INPP4B: variants seen among roughly 807,000 people sequenced by gnomAD.
INPP4B encodes inositol polyphosphate-4-phosphatase type II B.
In INPP4B, 55 loss-of-function variants were observed where a neutral mutation model predicts 122.5. The observed-to-expected ratio is 0.45, with a 90% CI of 0.36 to 0.56. The LOEUF is 0.56. INPP4B is among the 20% of genes least tolerant of loss of function. INPP4B has a pLI of 0.00. For synonymous variants in INPP4B, 403 were observed against 388.7 expected (o/e 1.04, Z -0.43); for missense variants, 1,000 against 1,097.7 (o/e 0.91, Z 1.26).
At chr4:142,753,480 G>A (rs1024406232) in intron 1 of INPP4B, among the ~76,000 whole-genome samples, 2 of 151,986 alleles carry the variant, frequency 1.3e-5, no homozygotes, top group Admixed American at 6.6e-5. Context: ...AATCCAGCTG[G>A]TATGATAAAG....
intron 2 of INPP4B, among the ~76,000 whole-genome samples, chr4:142,559,694 G>C (rs1730021117): frequency 6.6e-6 from 1 of 151,882 alleles, no homozygotes; most frequent in African/African-American, 2.4e-5. Context: ...ACAAACCTAT[G>C]ATAACTATAT....
chr4:142,357,340 T>A (rs1310774180), intron 7 of INPP4B, among the ~76,000 whole-genome samples: 1 of 151,972 alleles, frequency 6.6e-6, no homozygotes, highest in Admixed American at 6.6e-5. Flanking sequence ...ACGGCACTGG[T>A]TAGTCTTAGA....
intron 2 of INPP4B, among the ~76,000 whole-genome samples, chr4:142,720,565 C>T (rs1192593041): frequency 6.6e-6 from 1 of 151,468 alleles, no homozygotes; most frequent in Non-Finnish European, 1.5e-5. Context: ...ATACCTACTA[C>T]AGTGTAAACG....
intron 15 of INPP4B, among the ~76,000 whole-genome samples, chr4:142,174,985 G>A (rs1827435164): frequency 6.6e-6 from 1 of 152,040 alleles, no homozygotes; most frequent in Non-Finnish European, 1.5e-5. Context: ...ATTCTTTAGA[G>A]TGAAGGAATC....
chr4:142,275,590 A>T (rs1285911896), intron 9 of INPP4B, among the ~76,000 whole-genome samples: 1 of 151,866 alleles, frequency 6.6e-6, no homozygotes, highest in Non-Finnish European at 1.5e-5. Context: ...GAATATAATT[A>T]TACAGCAGTG....
intron 18 of INPP4B, among the ~76,000 whole-genome samples, chr4:142,138,051 A>G (rs996914861): frequency 1.3e-5 from 2 of 152,060 alleles, no homozygotes; most frequent in Admixed American, 6.5e-5. Flanking sequence ...TACTCAAAGG[A>G]CTATAAATCA....
chr4:142,344,323 T>C (rs1206402007), intron 7 of INPP4B, among the ~76,000 whole-genome samples: 3 of 151,966 alleles, frequency 2.0e-5, no homozygotes, highest in African/African-American at 7.2e-5. Flanking sequence ...AATTTTATGC[T>C]ATGTGTATAT....
intron 2 of INPP4B, among the ~76,000 whole-genome samples, chr4:142,686,450 T>C (rs1164692900): frequency 6.6e-6 from 1 of 152,018 alleles, no homozygotes; most frequent in Admixed American, 6.6e-5. Flanking sequence ...CAATCAGTGG[T>C]CAGGACTCCT....
At chr4:142,539,000 C>T (rs28603065) in intron 2 of INPP4B, among the ~76,000 whole-genome samples, 3,978 of 151,332 alleles carry the variant, frequency 0.026, 171 homozygotes, top group African/African-American at 0.09. Flanking sequence ...TTGTACAAGA[C>T]AATGAAAAAA....
At chr4:142,191,334 C>G (rs894591115) in intron 15 of INPP4B, among the ~76,000 whole-genome samples, 4 of 152,162 alleles carry the variant, frequency 2.6e-5, no homozygotes, top group African/African-American at 9.7e-5. Context: ...GCCAAAGAAC[C>G]TGGAACAGGG....
chr4:142,784,521 A>G (rs1775440125), intron 1 of INPP4B, among the ~76,000 whole-genome samples: 1 of 152,064 alleles, frequency 6.6e-6, no homozygotes, highest in African/African-American at 2.4e-5. Flanking sequence ...ACAACCAAGA[A>G]GAGCTTACCT....
chr4:142,071,949 A>G (rs1321641164), intron 25 of INPP4B, among the ~76,000 whole-genome samples: 1 of 152,196 alleles, frequency 6.6e-6, no homozygotes, highest in Non-Finnish European at 1.5e-5. Context: ...AGGATCTAGA[A>G]CTAGAAATAC....
chr4:142,236,905 T>G (rs1024056791), intron 12 of INPP4B, among the ~76,000 whole-genome samples: 1 of 152,222 alleles, frequency 6.6e-6, no homozygotes, highest in Admixed American at 6.5e-5. Context: ...TTTCAGCAAT[T>G]AAAAAGTGTT....
chr4:142,800,366 A>G (rs1777851208), intron 1 of INPP4B, among the ~76,000 whole-genome samples: 1 of 152,136 alleles, frequency 6.6e-6, no homozygotes, highest in African/African-American at 2.4e-5. Flanking sequence ...ATTCTGAGTC[A>G]AATACAAACT....
chr4:142,639,114 C>T (rs76399465), intron 2 of INPP4B, among the ~76,000 whole-genome samples: 4,622 of 152,146 alleles, frequency 0.03, 91 homozygotes, highest in Non-Finnish European at 0.042. Context: ...GCCTTGTATA[C>T]GTGGGATCAT....
At chr4:142,256,562 G>T (rs979584072) in intron 11 of INPP4B, among the ~76,000 whole-genome samples, 2 of 152,162 alleles carry the variant, frequency 1.3e-5, no homozygotes, top group South Asian at 4.1e-4. Flanking sequence ...TACCATCAGA[G>T]AATACTACAA....
At position 142,515,504 on chromosome 4, in the gene INPP4B, T is replaced by G. The variant is rs1265562496; in HGVS notation, c.-190-52778A>C. Among the ~76,000 whole-genome samples, 3 of 152,078 alleles carry G rather than the reference T, an allele frequency of 2.0e-5. No individual in the cohort carries two copies. In the East Asian group the frequency reaches 5.8e-4, roughly 29 times the overall value. On this transcript the variant is annotated intron_variant, in intron 2 of 25. Transcript: ENST00000262992. ...GTCTTGAAGTCCAGAACTCTGCACTTGAAAAAGGACTCCAAAAGACAAGGG... is the reference window on the plus strand; with the variant it reads ...GTCTTGAAGTCCAGAACTCTGCACTGGAAAAAGGACTCCAAAAGACAAGGG...
At chr4:142,839,185 G>T (rs1466186777) in intron 1 of INPP4B, among the ~76,000 whole-genome samples, 1 of 152,146 alleles carries the variant, frequency 6.6e-6, no homozygotes, top group Non-Finnish European at 1.5e-5. Context: ...GGCTGGGTCT[G>T]GTAGGCTCAT....
intron 23 of INPP4B, among the ~76,000 whole-genome samples, chr4:142,097,468 G>T (rs1048123880): frequency 2.0e-5 from 3 of 151,772 alleles, no homozygotes; most frequent in African/African-American, 7.3e-5. Context: ...TGTTGACCAG[G>T]CTGGTCTCAA....
Sources: allele counts gnomAD v4.1 joint callset (sites outside exome capture counted in the v4.1 genomes callset), GRCh38; gene constraint gnomAD v4.1.1; transcripts MANE v1.5; gene names NCBI Gene and HGNC (gene_info 2026-07-23, HGNC 2026-07-21).